Variants in UBE2D3 observed in about 807,000 individuals in gnomAD.
UBE2D3 encodes ubiquitin conjugating enzyme E2 D3.
A neutral mutation model predicts 22.8 loss-of-function variants in UBE2D3; 2 were observed. The observed-to-expected ratio is 0.09, with a 90% CI of 0.04 to 0.28. The LOEUF (loss-of-function observed/expected upper bound fraction) is 0.28, where lower values mean the gene tolerates loss of function less well. UBE2D3 is among the 10% of genes least tolerant of loss of function. UBE2D3 has a pLI of 1.00. For synonymous variants in UBE2D3, 56 were observed against 60.4 expected (o/e 0.93, Z 0.34); for missense variants, 27 against 182.5 (o/e 0.15, Z 4.91).
At chr4:102,802,320 G>A in intron 5 of UBE2D3, 1 of 316,686 alleles carries the variant, frequency 3.2e-6, no homozygotes, top group Non-Finnish European at 5.7e-6. Flanking sequence ...ACAGATGAGG[G>A]CGGAAGCTTC....
rs1216714006 is a variant in UBE2D3, at chr4:102,809,887, T to G, written c.25-32A>C. 3 of 1,591,950 alleles carry G rather than the reference T, an allele frequency of 1.9e-6. No homozygotes were observed. In the Admixed American group the frequency reaches 5.3e-5, roughly 28 times the overall value. On this transcript the variant is annotated intron_variant, in intron 2 of 7. Transcript: ENST00000453744. ...CAAGACAGAAAATGGGTGAGTCACA[T>G]AAGCTTAATTTAAGAAAACAAGCAA... is the stretch of plus-strand genomic sequence containing the variant.
chr4:102,800,947 T>C (rs1472764489), intron 6 of UBE2D3, among the ~76,000 whole-genome samples: 1 of 152,020 alleles, frequency 6.6e-6, no homozygotes. Context: ...TACAGATCTT[T>C]CGAAGATTAT....
In UBE2D3 at chr4:102,865,697, G is replaced by T. The variant is rs114436513; in HGVS notation, c.-129+3018C>A. On this transcript the variant is annotated intron_variant, in intron 1 of 7. Coordinates refer to the UBE2D3 transcript ENST00000338145. ...CTCCTAGAATTAAGATTAGCCTAAAGAAATCTGGGCTGGAAATAGAGATTT... is the reference window on the plus strand; with the variant it reads ...CTCCTAGAATTAAGATTAGCCTAAATAAATCTGGGCTGGAAATAGAGATTT... Among the ~76,000 whole-genome samples, 491 of 152,220 alleles carry T rather than the reference G, an allele frequency of 3.2e-3. 3 individuals carry two copies. Among genetic ancestry groups the T allele is most frequent in the Non-Finnish European group, 5.5e-3 (373 of 68,004 alleles).
chr4:102,848,001 A>G (rs1732132893), intron 1 of UBE2D3, among the ~76,000 whole-genome samples: 1 of 152,192 alleles, frequency 6.6e-6, no homozygotes, highest in African/African-American at 2.4e-5. Flanking sequence ...AATTATTTAT[A>G]GCCTACTGCT....
intron 2 of UBE2D3, among the ~76,000 whole-genome samples, chr4:102,821,670 T>A (rs368694077): frequency 2.0e-5 from 3 of 152,282 alleles, no homozygotes; most frequent in South Asian, 4.1e-4. Flanking sequence ...ATAACTGGAT[T>A]GTAACACAAA....
chr4:102,815,882 C>T (rs1328782360), intron 2 of UBE2D3, among the ~76,000 whole-genome samples: 1 of 152,134 alleles, frequency 6.6e-6, no homozygotes, highest in South Asian at 2.1e-4. Context: ...AAATGCTGTT[C>T]TTATTTCACC....
intron 1 of UBE2D3, among the ~76,000 whole-genome samples, chr4:102,847,283 A>C (rs942001379): frequency 6.6e-6 from 1 of 151,834 alleles, no homozygotes; most frequent in African/African-American, 2.4e-5. Flanking sequence ...ACATACAGTC[A>C]TTTTCTTTTT....
intron 2 of UBE2D3, chr4:102,810,613 C>T (rs977961079): frequency 1.3e-5 from 2 of 151,890 alleles, no homozygotes; most frequent in African/African-American, 2.4e-5. Flanking sequence ...CTCCTGACCT[C>T]GTGATTGAAA....
intron 1 of UBE2D3, among the ~76,000 whole-genome samples, chr4:102,863,553 G>A (rs1733001785): frequency 6.6e-6 from 1 of 152,182 alleles, no homozygotes; most frequent in African/African-American, 2.4e-5. Flanking sequence ...GGTTGCAGTG[G>A]TACAATCTCA....
At chr4:102,845,197 C>A (rs1731985575) in intron 1 of UBE2D3, among the ~76,000 whole-genome samples, 1 of 152,116 alleles carries the variant, frequency 6.6e-6, no homozygotes, top group South Asian at 2.1e-4. Flanking sequence ...GCCTGGGTGA[C>A]AACAGAGCAA....
At chr4:102,828,538 G>A (rs914428658), upstream of UBE2D3, among the ~76,000 whole-genome samples, 2 of 152,214 alleles carry the variant, frequency 1.3e-5, no homozygotes, top group African/African-American at 2.4e-5. Context: ...CTAGGACAGA[G>A]AGAGTTAGGG....
Position 102,794,448 on chromosome 4 carries a change from G to A in UBE2D3, c.*2967C>T, listed in dbSNP as rs560378929. The A allele has an allele frequency of 2.0e-5, 3 of 152,152 alleles. No homozygotes were observed. In the East Asian group the frequency reaches 5.8e-4, roughly 29 times the overall value. 9.4% of individuals were successfully genotyped at this position (152,152 alleles called of 1,614,324 possible). Reference sequence around the variant, plus strand: ...GCTCAATTAACTTCAGCTATTACAAGTCTTATGCAGATGTCACTATTAGAC... The same window carrying A: ...GCTCAATTAACTTCAGCTATTACAAATCTTATGCAGATGTCACTATTAGAC... On this transcript the variant is annotated 3_prime_UTR_variant, in exon 8 of 8. Transcript: ENST00000453744.
chr4:102,802,956 G>A (rs887837629), intron 4 of UBE2D3, among the ~76,000 whole-genome samples: 4 of 152,068 alleles, frequency 2.6e-5, no homozygotes, highest in Non-Finnish European at 4.4e-5. Flanking sequence ...TCATGTTTCA[G>A]AATAATCTGT....
At chr4:102,862,284 TAA>T (rs1354602527) in intron 1 of UBE2D3, among the ~76,000 whole-genome samples, 1 of 151,910 alleles carries the variant, frequency 6.6e-6, no homozygotes, top group African/African-American at 2.4e-5. Flanking sequence ...AATGTTCTAA[TAA>T]AAAAAGTTTA....
At chr4:102,815,450 C>T (rs866094777) in intron 2 of UBE2D3, among the ~76,000 whole-genome samples, 2 of 152,102 alleles carry the variant, frequency 1.3e-5, no homozygotes, top group African/African-American at 4.8e-5. Flanking sequence ...ATAAATAAAA[C>T]TAAAGGTCAG....
upstream of UBE2D3, chr4:102,828,196 G>A (rs1730880319): frequency 9.1e-6 from 9 of 985,444 alleles, no homozygotes; most frequent in Non-Finnish European, 1.1e-5. Flanking sequence ...GTAAGAGCGC[G>A]CGCAGACACA....
At chr4:102,811,718 A>G (rs955760989) in intron 2 of UBE2D3, 1 of 422,072 alleles carries the variant, frequency 2.4e-6, no homozygotes, top group Admixed American at 3.1e-5. Context: ...ACTCATATAC[A>G]AAAGACCAAG....
intron 4 of UBE2D3, among the ~76,000 whole-genome samples, chr4:102,804,502 G>A (rs772512905): frequency 1.3e-5 from 2 of 151,796 alleles, no homozygotes; most frequent in Non-Finnish European, 2.9e-5. Context: ...AAAACACTCA[G>A]GTCACTTAGA....
At chr4:102,805,759 T>C (rs987076952) in intron 4 of UBE2D3, among the ~76,000 whole-genome samples, 7 of 152,224 alleles carry the variant, frequency 4.6e-5, no homozygotes, top group Admixed American at 3.9e-4. Context: ...CCAGGGCATA[T>C]ATTCAAATGC....
Sources: allele counts gnomAD v4.1 joint callset (sites outside exome capture counted in the v4.1 genomes callset), GRCh38; gene constraint gnomAD v4.1.1; transcripts MANE v1.5; gene names NCBI Gene and HGNC (gene_info 2026-07-23, HGNC 2026-07-21).